CASS4: variants seen among roughly 807,000 people sequenced by gnomAD.
CASS4 encodes the protein Cas scaffold protein family member 4.
In CASS4, 22 loss-of-function variants were observed where a neutral mutation model predicts 54.2. The observed-to-expected ratio is 0.41, with a 90% confidence interval of 0.29 to 0.58. CASS4 has a LOEUF of 0.58. Ranked by LOEUF, CASS4 falls within the 20% of genes least tolerant of loss-of-function variation. CASS4 has a pLI of 0.36. For missense variants in CASS4, 854 were observed against 986.7 expected, an observed-to-expected ratio of 0.87 and a Z score of 1.80; for synonymous variants, 409 against 391.5, an observed-to-expected ratio of 1.04 and a Z score of -0.53.
intron 5 of CASS4, among the ~76,000 whole-genome samples, chr20:56,454,086 C>T (rs1981171757): frequency 6.6e-6 from 1 of 152,054 alleles, no homozygotes; most frequent in South Asian, 2.1e-4. Flanking sequence ...GAGGCTGAGG[C>T]AGGAGAATCA....
At position 56,430,990 on chromosome 20, in the gene CASS4, G is replaced by C. The variant is rs1471463588; in HGVS notation, c.37-6174G>C. On this transcript the variant is annotated intron_variant, in intron 1 of 5. Coordinates refer to ENST00000679887, the MANE Select transcript of CASS4 (RefSeq NM_020356.4). This position sits in a 1 kb window ranked among gnomAD's most constrained non-coding sequence, Gnocchi z 4.2. ...TTCTGAATGCAGTTCTAAGCAATTAGAGGTTTTTAAAATAAGAGACCAACA... is the reference window on the plus strand; with the variant it reads ...TTCTGAATGCAGTTCTAAGCAATTACAGGTTTTTAAAATAAGAGACCAACA... Among the ~76,000 whole-genome samples, 2 of 152,224 alleles carry C rather than the reference G, an allele frequency of 1.3e-5. No individual in the cohort carries two copies. Among genetic ancestry groups the C allele is most frequent in the African/African-American group, 4.8e-5 (2 of 41,456 alleles).
At chr20:56,431,912 T>C (rs900978373) in intron 1 of CASS4, among the ~76,000 whole-genome samples, 1 of 152,220 alleles carries the variant, frequency 6.6e-6, no homozygotes, top group African/African-American at 2.4e-5. Context: ...GCTTTTATTT[T>C]CCCTTTTGTT....
In CASS4 at chr20:56,459,635, A is replaced by C. The variant is rs1224743421; in HGVS notation, c.*888A>C. The C allele has an allele frequency of 1.2e-5, 2 of 163,930 alleles. No homozygotes were observed. The highest frequency in any genetic ancestry group is 4.8e-5 in the African/African-American group (2 of 41,506). 10.2% of individuals were successfully genotyped at this position (163,930 alleles called of 1,614,324 possible). ...CACAATGGCAGAGAAAGGAAGAGCT[A>C]ATTTTTGTATTTTTAGTAGAGTCGG... On this transcript the variant is annotated 3_prime_UTR_variant, in exon 6 of 6. Coordinates refer to ENST00000679887, the MANE Select transcript of CASS4 (RefSeq NM_020356.4).
chr20:56,432,042 T>C (rs984126905), intron 1 of CASS4, among the ~76,000 whole-genome samples: 2 of 152,212 alleles, frequency 1.3e-5, no homozygotes, highest in Non-Finnish European at 2.9e-5. Context: ...AGGGAATCAA[T>C]GAAATGTTAA....
At chr20:56,419,730 T>A (rs183942743) in intron 1 of CASS4, among the ~76,000 whole-genome samples, 5 of 148,676 alleles carry the variant, frequency 3.4e-5, no homozygotes, top group Admixed American at 6.7e-5. Flanking sequence ...CGTGCCCGGC[T>A]AGGCTCTGCA....
chr20:56,451,783 C>G (rs1486755376), intron 4 of CASS4, 36 bp from the exon 5 acceptor site: 47 of 1,530,282 alleles, frequency 3.1e-5, no homozygotes, highest in South Asian at 4.7e-5. Flanking sequence ...CTTTGGAAAG[C>G]TACTAACCCG....
In CASS4 at chr20:56,437,793, G is replaced by A. The variant is rs1305176220; in HGVS notation, c.459+207G>A. Among the ~76,000 whole-genome samples the A allele has an allele frequency of 2.6e-5, 4 of 152,158 alleles. No homozygotes were observed. Among genetic ancestry groups the A allele is most frequent in the East Asian group, 1.9e-4 (1 of 5,192 alleles). ...CCCCCTTGTCGTTGACACCCTTGGC[G>A]CCACTGTGATTCCCCAGCTCTCCAA... On this transcript the variant is annotated intron_variant, in intron 2 of 5. Coordinates refer to ENST00000679887, the MANE Select transcript of CASS4 (RefSeq NM_020356.4). This position sits in a 1 kb window ranked among gnomAD's most constrained non-coding sequence, Gnocchi z 4.7.
intron 2 of CASS4, among the ~76,000 whole-genome samples, chr20:56,445,501 T>C (rs16979933): frequency 0.11 from 16,715 of 152,256 alleles, 1,224 homozygotes; most frequent in African/African-American, 0.2. Context: ...GACGAATAGC[T>C]CAGTATCAGA....
intron 2 of CASS4, among the ~76,000 whole-genome samples, chr20:56,438,247 G>A (rs1980287798): frequency 6.6e-6 from 1 of 151,338 alleles, no homozygotes; most frequent in South Asian, 2.1e-4. Context: ...CTATGATTGT[G>A]CCACTGCACT....
chr20:56,446,043 G>A (rs774236732), intron 3 of CASS4, 42 bp downstream of exon 3: 3 of 1,346,982 alleles, frequency 2.2e-6, no homozygotes, highest in South Asian at 1.2e-5. Context: ...AGACCTCTGC[G>A]CCCAGAGTCT....
Position 56,451,935 on chromosome 20 carries a change from C to T in CASS4, c.759C>T (p.Ala253=), listed in dbSNP as rs779398752. 6.2e-7 allele frequency: 1 copy of T among 1,614,022 alleles called. No homozygotes were observed. The highest frequency in any genetic ancestry group is 1.3e-5 in the African/African-American group (1 of 74,910). The change falls in exon 5 of 6, where the codon GCC becomes GCT. Residue 253 remains alanine, a synonymous_variant. Transcript: ENST00000679887. ...IYDTPVSPGK[A]SVRNTPLTSF... ...ACACTCCAGTGTCTCCAGGAAAGGCCAGCGTCAGAAACACGCCTCTCACCA... is the reference window on the plus strand; with the variant it reads ...ACACTCCAGTGTCTCCAGGAAAGGCTAGCGTCAGAAACACGCCTCTCACCA...
chr20:56,432,150 T>C (rs545973964), intron 1 of CASS4, among the ~76,000 whole-genome samples: 2 of 152,158 alleles, frequency 1.3e-5, no homozygotes, highest in African/African-American at 2.4e-5. Context: ...GGCAATTTAA[T>C]TAAGGCATAT....
At chr20:56,434,169 A>G (rs1980044502) in intron 1 of CASS4, among the ~76,000 whole-genome samples, 1 of 152,162 alleles carries the variant, frequency 6.6e-6, no homozygotes, top group Non-Finnish European at 1.5e-5. Flanking sequence ...CTGGAGGGCA[A>G]CGTGACAGCA....
intron 2 of CASS4, among the ~76,000 whole-genome samples, chr20:56,440,824 G>T (rs1311183798): frequency 6.6e-6 from 1 of 152,048 alleles, no homozygotes; most frequent in Non-Finnish European, 1.5e-5. Flanking sequence ...ATTCAGGGGG[G>T]GTCCCTTTAA....
Position 56,459,025 on chromosome 20 carries a change from A to G in CASS4, c.*278A>G, listed in dbSNP as rs1489936043. 2.8e-6 allele frequency: 1 copy of G among 362,108 alleles called. No individual in the cohort carries two copies. The highest frequency in any genetic ancestry group is 5.0e-6 in the Non-Finnish European group (1 of 198,530). The allele number at this position is 362,108 out of a possible 1,614,324, so 22.4% of individuals were successfully genotyped here. On this transcript the variant is annotated 3_prime_UTR_variant, in exon 6 of 6. Transcript: ENST00000679887. Reference sequence around the variant, plus strand: ...AGCTTGAAGTGACTTCGCAGAAATAATATTTTATATTGATTAAATGTGTGC... The same window carrying G: ...AGCTTGAAGTGACTTCGCAGAAATAGTATTTTATATTGATTAAATGTGTGC...
At chr20:56,439,089 T>C (rs907440822) in intron 2 of CASS4, among the ~76,000 whole-genome samples, 1 of 152,212 alleles carries the variant, frequency 6.6e-6, no homozygotes, top group Non-Finnish European at 1.5e-5. Flanking sequence ...GCTCAATACA[T>C]ATCTGACAAA....
rs747639942 is a variant in CASS4, at chr20:56,458,453, A to G, written c.2067A>G (p.Ala689=). The part of the protein sequence containing the change: ...YFGALFKAIS[A]FHGSLSSSQP... ...GGGCGCTCTTCAAAGCCATCAGCGC[A>G]TTTCACGGCAGCCTCAGCAGCAGCC... The change falls in exon 6 of 6, where the codon GCA becomes GCG. Residue 689 remains alanine, a synonymous_variant. Coordinates refer to ENST00000679887, the MANE Select transcript of CASS4 (RefSeq NM_020356.4). The G allele has an allele frequency of 5.0e-6, 8 of 1,614,162 alleles. No homozygotes were observed. The highest frequency in any genetic ancestry group is 3.3e-5 in the Admixed American group (2 of 60,024).
intron 1 of CASS4, among the ~76,000 whole-genome samples, chr20:56,426,378 G>A (rs761215875): frequency 2.0e-5 from 3 of 152,184 alleles, no homozygotes; most frequent in Non-Finnish European, 2.9e-5. Context: ...GAGAACCCGC[G>A]AGCTATCCTG....
Position 56,429,771 on chromosome 20 carries a change from G to A in CASS4, c.37-7393G>A, listed in dbSNP as rs147668348. Among the ~76,000 whole-genome samples, 296 of 152,126 alleles carry A rather than the reference G, an allele frequency of 1.9e-3. 2 individuals carry two copies. Among genetic ancestry groups the A allele is most frequent in the African/African-American group, 6.9e-3 (287 of 41,486 alleles). On this transcript the variant is annotated intron_variant, in intron 1 of 5. Transcript: ENST00000679887. ...TTACCCCCAGATGGAAGCTTCCATG[G>A]CTGCTTTCTCAGGTAAACGTCCCTA...
Sources: gnomAD v4.1 joint callset for allele counts (sites outside exome capture counted in the v4.1 genomes callset) on GRCh38, gnomAD v4.1.1 for gene constraint, Gnocchi (gnomAD v3.1) non-coding constraint, MANE v1.5 for transcripts, NCBI Gene and HGNC (gene_info 2026-07-23, HGNC 2026-07-21) for gene names.